Variants in FAT3 observed in about 807,000 individuals in gnomAD.
FAT3 encodes FAT atypical cadherin 3, also known as protocadherin Fat 3.
A neutral mutation model predicts 310.2 loss-of-function variants in FAT3; 95 were observed. The observed-to-expected ratio is 0.31, with a 90% CI of 0.26 to 0.36. The LOEUF (loss-of-function observed/expected upper bound fraction) is 0.36. FAT3 is among the 10% of genes least tolerant of loss of function. The pLI is 1.00. For synonymous variants in FAT3, 2,314 were observed against 2,192.9 expected (o/e 1.06, Z -1.54); for missense variants, 5,408 against 5,715.6 (o/e 0.95, Z 1.74).
chr11:92,682,728 C>T (rs480804), intron 3 of FAT3, among the ~76,000 whole-genome samples: 75,351 of 151,938 alleles, frequency 0.5, 18,977 homozygotes, highest in African/African-American at 0.55. Flanking sequence ...GATGGTTGGT[C>T]ACCCAACAAA....
intron 1 of FAT3, among the ~76,000 whole-genome samples, chr11:92,267,766 A>C (rs1001414042): frequency 5.3e-5 from 8 of 152,140 alleles, no homozygotes; most frequent in Non-Finnish European, 1.2e-4. Context: ...ATCATTATTT[A>C]TTTGCTGATA....
chr11:92,463,808 A>G (rs1199805281), intron 2 of FAT3, among the ~76,000 whole-genome samples: 1 of 152,238 alleles, frequency 6.6e-6, no homozygotes, highest in Non-Finnish European at 1.5e-5. Context: ...CATTAGTTAG[A>G]AAAGCCTGAG....
chr11:92,374,799 T>A (rs1490500875), intron 2 of FAT3, among the ~76,000 whole-genome samples: 1 of 152,096 alleles, frequency 6.6e-6, no homozygotes, highest in Non-Finnish European at 1.5e-5. Flanking sequence ...ATATATCCCA[T>A]CTTCCTTCTG....
chr11:92,306,364 A>G (rs1474558573), intron 1 of FAT3, among the ~76,000 whole-genome samples: 1 of 150,150 alleles, frequency 6.7e-6, no homozygotes, highest in Non-Finnish European at 1.5e-5. Flanking sequence ...TGCTCTTAGT[A>G]GAGTCCTAGT....
chr11:92,695,198 TCA>T (rs1943902942), intron 3 of FAT3, among the ~76,000 whole-genome samples: 1 of 152,144 alleles, frequency 6.6e-6, no homozygotes, highest in Admixed American at 6.5e-5. Flanking sequence ...CAATAAAAAG[TCA>T]CAGTGAGATT....
chr11:92,243,476 G>T (rs1864752222), intron 1 of FAT3, among the ~76,000 whole-genome samples: 1 of 151,750 alleles, frequency 6.6e-6, no homozygotes, highest in Admixed American at 6.6e-5. Flanking sequence ...AAAAAAAAAA[G>T]ACTTGCTTTA....
In FAT3 at chr11:92,500,253, A is replaced by G. The variant is rs551077706; in HGVS notation, c.3293-24381A>G. Among the ~76,000 whole-genome samples, 3 of 152,210 alleles carry G rather than the reference A, an allele frequency of 2.0e-5. No individual in the cohort carries two copies. In the East Asian group the frequency reaches 5.8e-4, roughly 30 times the overall value. Reference sequence around the variant, plus strand: ...TCCAAAAGATTGTATTGGACCATACAGTATTAAATTAGACTATGTTATTAT... The same window carrying G: ...TCCAAAAGATTGTATTGGACCATACGGTATTAAATTAGACTATGTTATTAT... On this transcript the variant is annotated intron_variant, in intron 2 of 27. Transcript: ENST00000525166.
intron 23 of FAT3, 44 bp from the exon 24 acceptor site, chr11:92,882,694 T>C (rs1317802749): frequency 6.5e-7 from 1 of 1,541,944 alleles, no homozygotes; most frequent in African/African-American, 1.4e-5. Context: ...CCAACGTGTG[T>C]GCACTGGTCC....
intron 4 of FAT3, among the ~76,000 whole-genome samples, chr11:92,714,878 G>T (rs1185564471): frequency 6.6e-6 from 1 of 152,020 alleles, no homozygotes; most frequent in Non-Finnish European, 1.5e-5. Context: ...TCCATGAAGG[G>T]AAATACCAAA....
intron 1 of FAT3, among the ~76,000 whole-genome samples, chr11:92,315,481 A>G (rs2446159): frequency 0.1 from 5,559 of 55,670 alleles, 85 homozygotes; most frequent in East Asian, 0.14. Flanking sequence ...GTGTGTGTGT[A>G]TATATATATA....
chr11:92,736,635 C>T (rs1368104510), intron 4 of FAT3, among the ~76,000 whole-genome samples: 2 of 152,148 alleles, frequency 1.3e-5, no homozygotes, highest in Non-Finnish European at 1.5e-5. Context: ...TAGCATTGTC[C>T]TTTCAATTTC....
chr11:92,278,501 A>C (rs1045356668), intron 1 of FAT3, among the ~76,000 whole-genome samples: 1 of 152,032 alleles, frequency 6.6e-6, no homozygotes, highest in African/African-American at 2.4e-5. Flanking sequence ...TTGGTGGTTA[A>C]ATCTAGAAAT....
intron 2 of FAT3, among the ~76,000 whole-genome samples, chr11:92,514,219 A>G (rs1476683094): frequency 6.6e-6 from 1 of 152,170 alleles, no homozygotes; most frequent in Non-Finnish European, 1.5e-5. Context: ...AAATAAATAA[A>G]TACTTTCTGT....
intron 11 of FAT3, 56 bp from the exon 12 acceptor site, chr11:92,806,306 G>A: frequency 7.0e-7 from 1 of 1,431,314 alleles, no homozygotes; most frequent in Non-Finnish European, 9.5e-7. Flanking sequence ...TGCTAAATAT[G>A]GCAATTGCCC....
intron 6 of FAT3, among the ~76,000 whole-genome samples, chr11:92,771,983 A>G (rs1038101671): frequency 6.6e-6 from 1 of 152,136 alleles, no homozygotes; most frequent in African/African-American, 2.4e-5. Flanking sequence ...ACTGGAATCT[A>G]TGCTTGCTGG....
chr11:92,819,844 CT>C (rs1947914990), intron 13 of FAT3, among the ~76,000 whole-genome samples: 1 of 152,130 alleles, frequency 6.6e-6, no homozygotes, highest in African/African-American at 2.4e-5. Context: ...ACCACAGTGA[CT>C]TGTTGCCTAC....
intron 2 of FAT3, among the ~76,000 whole-genome samples, chr11:92,512,545 T>TTA (rs576524592): frequency 2.0e-5 from 3 of 147,100 alleles, no homozygotes; most frequent in African/African-American, 4.9e-5. Flanking sequence ...TATTTTAAAT[T>TTA]TATATATATA....
intron 13 of FAT3, among the ~76,000 whole-genome samples, chr11:92,828,458 C>T (rs554328956): frequency 1.3e-5 from 2 of 152,098 alleles, no homozygotes; most frequent in South Asian, 2.1e-4. Context: ...GGTTTTTTGT[C>T]CTGGGTCTCC....
intron 7 of FAT3, among the ~76,000 whole-genome samples, chr11:92,782,707 G>A (rs191338571): frequency 6.6e-6 from 1 of 152,266 alleles, no homozygotes; most frequent in East Asian, 1.9e-4. Flanking sequence ...AAATTGGCCA[G>A]TCTTTCTGCA....
Sources: allele counts gnomAD v4.1 joint callset (sites outside exome capture counted in the v4.1 genomes callset), GRCh38; gene constraint gnomAD v4.1.1; transcripts MANE v1.5; gene names NCBI Gene and HGNC (gene_info 2026-07-23, HGNC 2026-07-21).